Variants in CNST observed in about 807,000 individuals in gnomAD.
CNST encodes consortin, connexin sorting protein, also known as consortin.
In CNST, 39 loss-of-function variants were observed where a neutral mutation model predicts 72.4. That is an observed-to-expected ratio of 0.54 (90% CI 0.42 to 0.70). CNST has a LOEUF of 0.70. CNST is among the 30% of genes least tolerant of loss of function. The probability of loss-of-function intolerance (pLI) is 0.00; values close to 1 mark genes in which losing one functional copy is unlikely to be tolerated. For synonymous variants in CNST, 332 were observed against 320.1 expected, an observed-to-expected ratio of 1.04 and a Z score of -0.40; for missense variants, 871 against 868.5, an observed-to-expected ratio of 1.00 and a Z score of -0.04.
At chr1:246,641,487 T>C (rs1396586625) in intron 6 of CNST, among the ~76,000 whole-genome samples, 2 of 152,228 alleles carry the variant, frequency 1.3e-5, no homozygotes, top group Non-Finnish European at 2.9e-5. Context: ...TTCTTCTTTT[T>C]TTCTTCTTCT....
At chr1:246,574,745 G>T (rs1660286489) in intron 1 of CNST, among the ~76,000 whole-genome samples, 3 of 152,020 alleles carry the variant, frequency 2.0e-5, no homozygotes, top group Non-Finnish European at 4.4e-5. Context: ...ATTTTTCAAG[G>T]AATATGTTAC....
chr1:246,586,416 T>A (rs1203820021), intron 1 of CNST, among the ~76,000 whole-genome samples: 1 of 148,194 alleles, frequency 6.7e-6, no homozygotes, highest in Non-Finnish European at 1.5e-5. Context: ...ATATCTTTTA[T>A]ATATATCTAT....
chr1:246,609,487 G>A lies in CNST; in HGVS notation c.380-11942G>A, dbSNP rs1663157699. ...AGCTACTTGGGAGGCTGAAGCAGGA[G>A]AATTGCTTGAACCTGGGAGGCAGAG... On this transcript the variant is annotated intron_variant, in intron 2 of 10. Transcript: ENST00000366513. 3.3e-5 allele frequency among the ~76,000 whole-genome samples: 5 copies of A among 152,162 alleles called. 1 individual carries two copies. The highest frequency in any genetic ancestry group is 3.3e-4 in the Admixed American group (5 of 15,278).
intron 3 of CNST, among the ~76,000 whole-genome samples, chr1:246,627,459 G>A (rs1664512467): frequency 6.6e-6 from 1 of 152,184 alleles, no homozygotes; most frequent in Non-Finnish European, 1.5e-5. Flanking sequence ...ACTAGGTGAT[G>A]TGCTCCAGCA....
At chr1:246,578,116 G>A (rs747032857) in intron 1 of CNST, among the ~76,000 whole-genome samples, 1 of 152,044 alleles carries the variant, frequency 6.6e-6, no homozygotes, top group African/African-American at 2.4e-5. Flanking sequence ...CCGTTCATAT[G>A]CCTGGGCTAT....
chr1:246,635,916 C>T (rs542000974), intron 6 of CNST, among the ~76,000 whole-genome samples: 24 of 152,232 alleles, frequency 1.6e-4, no homozygotes, highest in African/African-American at 3.9e-4. Flanking sequence ...GGGTGTTGCC[C>T]GCCTGCTTTG....
intron 1 of CNST, among the ~76,000 whole-genome samples, chr1:246,585,705 ACACACACT>A (rs1248782686): frequency 8.9e-5 from 12 of 134,228 alleles, no homozygotes; most frequent in South Asian, 2.3e-4. Context: ...ACACACACAC[ACACACACT>A]ATATATGTAT....
chr1:246,638,524 A>G (rs955589343), intron 6 of CNST, among the ~76,000 whole-genome samples: 3 of 152,216 alleles, frequency 2.0e-5, no homozygotes, highest in African/African-American at 7.2e-5. Context: ...TGAGTGCACT[A>G]TGTGGAACAC....
chr1:246,648,243 C>G, intron 9 of CNST: 1 of 1,335,768 alleles, frequency 7.5e-7, no homozygotes, highest in Non-Finnish European at 9.6e-7. Context: ...GTTCATACTA[C>G]AAGATGTTCT....
At chr1:246,629,742 G>GT (rs1257282393) in intron 3 of CNST, among the ~76,000 whole-genome samples, 1 of 151,614 alleles carries the variant, frequency 6.6e-6, no homozygotes, top group Non-Finnish European at 1.5e-5. Flanking sequence ...TTTTTTCTTT[G>GT]TTTTTTTGAG....
intron 1 of CNST, among the ~76,000 whole-genome samples, chr1:246,582,390 C>T (rs1239078103): frequency 2.0e-5 from 3 of 151,616 alleles, no homozygotes; most frequent in African/African-American, 7.3e-5. Context: ...TCCCTGTCTC[C>T]CAGCCTGGAG....
At chr1:246,665,662 C>A in intron 10 of CNST, 38 bp from the exon 11 acceptor site, 1 of 1,535,518 alleles carries the variant, frequency 6.5e-7, no homozygotes, top group Non-Finnish European at 9.0e-7. Context: ...ATTTCCATTT[C>A]GGTGACAATG....
At chr1:246,589,745 T>A (rs1307085626) in intron 1 of CNST, among the ~76,000 whole-genome samples, 2 of 152,190 alleles carry the variant, frequency 1.3e-5, no homozygotes, top group African/African-American at 4.8e-5. Context: ...TGTAAAAGTG[T>A]CCCTGTTTCT....
intron 10 of CNST, among the ~76,000 whole-genome samples, chr1:246,661,093 C>G (rs1369683639): frequency 6.6e-6 from 1 of 152,156 alleles, no homozygotes; most frequent in Non-Finnish European, 1.5e-5. Context: ...CCTCAGCCTC[C>G]TGAGTAGCTG....
chr1:246,624,755 T>A (rs1664309466), intron 3 of CNST, among the ~76,000 whole-genome samples: 1 of 152,228 alleles, frequency 6.6e-6, no homozygotes, highest in Admixed American at 6.5e-5. Flanking sequence ...GTTGTTGACA[T>A]TTTTATCAAA....
At chr1:246,569,766 A>G (rs967858420) in intron 1 of CNST, 6 of 162,486 alleles carry the variant, frequency 3.7e-5, no homozygotes, top group African/African-American at 9.6e-5. Flanking sequence ...GTTGAGCCCC[A>G]TGCTTGTTTA....
intron 10 of CNST, among the ~76,000 whole-genome samples, chr1:246,660,742 G>T (rs1287366694): frequency 6.6e-6 from 1 of 152,104 alleles, no homozygotes; most frequent in Non-Finnish European, 1.5e-5. Context: ...ATATAAATAA[G>T]TAAATAAAAG....
In CNST at chr1:246,647,995, T is replaced by C; in HGVS notation, c.1794T>C (p.Cys598=). The C allele has an allele frequency of 1.2e-6, 2 of 1,613,280 alleles. No homozygotes were observed. Among genetic ancestry groups the C allele is most frequent in the Non-Finnish European group, 1.7e-6 (2 of 1,179,884 alleles). Residue 598 remains cysteine (C), a synonymous_variant, in exon 9 of 11, where the codon TGT becomes TGC. Transcript: ENST00000366513. The part of the protein sequence containing the change: ...LQENLPSDES[C]LSLDDLAKRI... ...AGAATCTGCCTTCTGATGAGAGCTG[T>C]CTTTCTCTTGATGATCTTGCCAAAA...
At chr1:246,635,109 G>GTT (rs1665103978) in intron 6 of CNST, among the ~76,000 whole-genome samples, 1 of 152,208 alleles carries the variant, frequency 6.6e-6, no homozygotes, top group Non-Finnish European at 1.5e-5. Context: ...CGGCCCTGGG[G>GTT]AGAATCTTTC....
Sources: gnomAD v4.1 joint callset for allele counts (sites outside exome capture counted in the v4.1 genomes callset) on GRCh38, gnomAD v4.1.1 for gene constraint, MANE v1.5 for transcripts, NCBI Gene and HGNC (gene_info 2026-07-23, HGNC 2026-07-21) for gene names.